RCHY1: variants seen among roughly 807,000 people sequenced by gnomAD.
RCHY1 encodes ring finger and CHY zinc finger domain containing 1, also known as RING finger and CHY zinc finger domain-containing protein 1.
In RCHY1, 21 loss-of-function variants were observed where a neutral mutation model predicts 41.6. The observed-to-expected ratio is 0.51, with a 90% CI of 0.36 to 0.73. RCHY1 has a LOEUF of 0.73. Among genes scored for constraint, RCHY1 ranks in the 30% least tolerant of loss-of-function variants. The pLI is 0.00. For missense variants in RCHY1, 265 were observed against 325.3 expected (o/e 0.81, Z 1.43); for synonymous variants, 79 against 102.9 (o/e 0.77, Z 1.41).
chr4:75,493,903 G>A (rs1486423611), intron 4 of RCHY1, among the ~76,000 whole-genome samples, 198 bp downstream of exon 4: 1 of 151,668 alleles, frequency 6.6e-6, no homozygotes, highest in African/African-American at 2.4e-5. Flanking sequence ...ACACTACAGA[G>A]AAGAAAAGGA....
rs75376251 is a variant in RCHY1, at chr4:75,510,601, A to C, written c.91-1305T>G. ...CAATAACCTTGTCCTCCAACCCACT[A>C]TTCTCATAGTTATACCGCAGAACAG... On this transcript the variant is annotated intron_variant, in intron 1 of 8. Transcript: ENST00000324439. 4.2e-3 allele frequency among the ~76,000 whole-genome samples: 639 copies of C among 152,214 alleles called. 3 individuals carry two copies. The highest frequency in any genetic ancestry group is 0.015 in the African/African-American group (615 of 41,538).
chr4:75,499,959 G>T (rs1723592364), intron 3 of RCHY1, among the ~76,000 whole-genome samples: 1 of 152,088 alleles, frequency 6.6e-6, no homozygotes, highest in East Asian at 1.9e-4. Flanking sequence ...TTTAAGCCTG[G>T]GCAACAAGGG....
intron 3 of RCHY1, among the ~76,000 whole-genome samples, chr4:75,498,885 A>T (rs966846659): frequency 6.6e-6 from 1 of 152,122 alleles, no homozygotes; most frequent in South Asian, 2.1e-4. Context: ...CTTGGCAAAG[A>T]TTTTTTTGTG....
rs954662854 is a variant in RCHY1 at position 75,482,355 on chromosome 4, G to T, written c.*183C>A. On this transcript the variant is annotated 3_prime_UTR_variant, in exon 9 of 9. Coordinates refer to ENST00000324439, the MANE Select transcript of RCHY1 (RefSeq NM_015436.4). ...CACAGTGGCTTTCATTCAATATAGAGCTATGATAAGTCTATCAAGAGACCC... is the reference window on the plus strand; with the variant it reads ...CACAGTGGCTTTCATTCAATATAGATCTATGATAAGTCTATCAAGAGACCC... 3 of 411,964 alleles carry T rather than the reference G, an allele frequency of 7.3e-6. No homozygotes were observed. The highest frequency in any genetic ancestry group is 4.5e-5 in the Admixed American group (1 of 22,366). 25.5% of individuals were successfully genotyped at this position (411,964 alleles called of 1,614,324 possible). A position where few individuals can be genotyped will look rare whatever the true frequency, so the allele number is the denominator to read the frequency against.
intron 3 of RCHY1, among the ~76,000 whole-genome samples, chr4:75,504,044 T>C (rs1252542140): frequency 1.3e-5 from 2 of 152,234 alleles, no homozygotes; most frequent in Non-Finnish European, 2.9e-5. Context: ...CAAATGTATT[T>C]GAATTTGGTA....
At chr4:75,501,006 A>C (rs997991531) in intron 3 of RCHY1, among the ~76,000 whole-genome samples, 1 of 152,084 alleles carries the variant, frequency 6.6e-6, no homozygotes. Context: ...TACTATATAC[A>C]ATAAAATATG....
chr4:75,506,075 T>C (rs185868673), intron 3 of RCHY1, among the ~76,000 whole-genome samples: 171 of 142,462 alleles, frequency 1.2e-3, no homozygotes, highest in Admixed American at 5.2e-3. Context: ...CAAGGGACTA[T>C]GTCCTAGGAG....
intron 1 of RCHY1, among the ~76,000 whole-genome samples, chr4:75,510,122 C>T (rs1724724780): frequency 6.6e-6 from 1 of 152,178 alleles, no homozygotes; most frequent in Non-Finnish European, 1.5e-5. Context: ...CCCTTGTTTT[C>T]AAACACGGCA....
chr4:75,496,235 A>G (rs1015144961), intron 3 of RCHY1, among the ~76,000 whole-genome samples: 1 of 152,144 alleles, frequency 6.6e-6, no homozygotes, highest in Non-Finnish European at 1.5e-5. Context: ...AACAACACAG[A>G]GTGATCTGTG....
In RCHY1 at chr4:75,498,099, CA is replaced by C. The variant is rs1218521305; in HGVS notation, c.327-3921del. ...GCTGGTGTTTTTGAAAAGATAAAAT[CA>C]AAAAAAAATGTAATAGACTAAAAAA... On this transcript the variant is annotated intron_variant, in intron 3 of 8. Coordinates refer to ENST00000324439, the MANE Select transcript of RCHY1 (RefSeq NM_015436.4). 7.9e-5 allele frequency among the ~76,000 whole-genome samples: 10 copies of C among 126,004 alleles called. No homozygotes were observed. In the East Asian group the frequency reaches 9.4e-4, roughly 12 times the overall value. 82.7% of individuals were successfully genotyped at this position (126,004 alleles called of 152,430 possible). A position where few individuals can be genotyped will look rare whatever the true frequency, so the allele number is the denominator to read the frequency against.
At position 75,480,655 on chromosome 4, in the gene RCHY1, C is replaced by G. The variant is rs368222415; in HGVS notation, c.*1883G>C. 2.6e-5 allele frequency: 4 copies of G among 152,228 alleles called. No homozygotes were observed. In the East Asian group the frequency reaches 5.8e-4, roughly 22 times the overall value. 9.4% of individuals were successfully genotyped at this position (152,228 alleles called of 1,614,324 possible). A position where few individuals can be genotyped will look rare whatever the true frequency, so the allele number is the denominator to read the frequency against. On this transcript the variant is annotated 3_prime_UTR_variant, in exon 9 of 9. Transcript: ENST00000324439. ...ACTCCTATTTAAAGATCCAATGATT[C>G]AATGATTAAAAACAATAACATGATT...
At position 75,481,737 on chromosome 4, in the gene RCHY1, C is replaced by A. The variant is rs1721539931; in HGVS notation, c.*801G>T. 2.6e-5 allele frequency: 4 copies of A among 152,064 alleles called. No individual in the cohort carries two copies. Among genetic ancestry groups the A allele is most frequent in the Admixed American group, 2.6e-4 (4 of 15,270 alleles). 9.4% of individuals were successfully genotyped at this position (152,064 alleles called of 1,614,324 possible). A position where few individuals can be genotyped will look rare whatever the true frequency, so the allele number is the denominator to read the frequency against. On this transcript the variant is annotated 3_prime_UTR_variant, in exon 9 of 9. Coordinates refer to ENST00000324439, the MANE Select transcript of RCHY1 (RefSeq NM_015436.4). ...CTACAGCATCTAGAAACATATCTGC[C>A]ACATAGCAGTTGCTCAATAAATACT... is the stretch of plus-strand genomic sequence containing the variant.
rs1721481770 is a variant in RCHY1, at chr4:75,480,991, A to C, written c.*1547T>G. Reference sequence around the variant, plus strand: ...AAATGACAGAGCAAAACCACTTCAAAAAAAAGTATTAGATCTGGAAAACTA... The same window carrying C: ...AAATGACAGAGCAAAACCACTTCAACAAAAAGTATTAGATCTGGAAAACTA... On this transcript the variant is annotated 3_prime_UTR_variant, in exon 9 of 9. Coordinates refer to ENST00000324439, the MANE Select transcript of RCHY1 (RefSeq NM_015436.4). 1 of 152,382 alleles carries C rather than the reference A, an allele frequency of 6.6e-6. No homozygotes were observed. Among genetic ancestry groups the C allele is most frequent in the Admixed American group, 6.5e-5 (1 of 15,300 alleles). 9.4% of individuals were successfully genotyped at this position (152,382 alleles called of 1,614,324 possible).
At chr4:75,485,486 T>C (rs897189408) in intron 8 of RCHY1, among the ~76,000 whole-genome samples, 11 of 152,242 alleles carry the variant, frequency 7.2e-5, no homozygotes, top group Non-Finnish European at 1.2e-4. Flanking sequence ...TTTAAATTTA[T>C]ATAGTAAGTC....
chr4:75,500,092 G>C (rs560362818), intron 3 of RCHY1, among the ~76,000 whole-genome samples: 1 of 152,232 alleles, frequency 6.6e-6, no homozygotes, highest in African/African-American at 2.4e-5. Flanking sequence ...AGTGAGTCAT[G>C]ATTGTGCGAT....
In RCHY1 at chr4:75,482,436, A is replaced by T; in HGVS notation, c.*102T>A. 4 of 1,091,914 alleles carry T rather than the reference A, an allele frequency of 3.7e-6. No homozygotes were observed. Among genetic ancestry groups the T allele is most frequent in the Non-Finnish European group, 5.1e-6 (4 of 790,980 alleles). The allele number at this position is 1,091,914 out of a possible 1,614,324, so 67.6% of individuals were successfully genotyped here. ...ATGCTGTGACACTAGTACAAAACACATCAACTCTAATGCATAGATGACGAC... is the reference window on the plus strand; with the variant it reads ...ATGCTGTGACACTAGTACAAAACACTTCAACTCTAATGCATAGATGACGAC... On this transcript the variant is annotated 3_prime_UTR_variant, in exon 9 of 9. Transcript: ENST00000324439.
intron 3 of RCHY1, among the ~76,000 whole-genome samples, chr4:75,496,041 A>AT (rs1236706366): frequency 6.6e-6 from 1 of 152,136 alleles, no homozygotes; most frequent in Non-Finnish European, 1.5e-5. Flanking sequence ...TTACTCAGCT[A>AT]TTGTGAATTT....
chr4:75,508,669 G>A (rs572381519), intron 3 of RCHY1, 151 bp downstream of exon 3: 1 of 479,576 alleles, frequency 2.1e-6, no homozygotes, highest in South Asian at 4.1e-5. Context: ...TAGTAAAAGA[G>A]ATACCGGTAT....
rs1243296771 is a variant in RCHY1 at position 75,479,723 on chromosome 4, A to G, written c.*2815T>C. 1 of 152,148 alleles carries G rather than the reference A, an allele frequency of 6.6e-6. No individual in the cohort carries two copies. Among genetic ancestry groups the G allele is most frequent in the Non-Finnish European group, 1.5e-5 (1 of 67,988 alleles). The allele number at this position is 152,148 out of a possible 1,614,324, so 9.4% of individuals were successfully genotyped here. On this transcript the variant is annotated 3_prime_UTR_variant, in exon 9 of 9. Coordinates refer to ENST00000324439, the MANE Select transcript of RCHY1 (RefSeq NM_015436.4). ...AAATTCGTAAGGGTATTGTTATTTT[A>G]CTTTTTTCAAAAATAATCCAAATAA...
Sources: allele counts gnomAD v4.1 joint callset (sites outside exome capture counted in the v4.1 genomes callset), GRCh38; gene constraint gnomAD v4.1.1; transcripts MANE v1.5; gene names NCBI Gene and HGNC (gene_info 2026-07-23, HGNC 2026-07-21).